HECW1: variants seen among roughly 807,000 people sequenced by gnomAD.
HECW1 encodes E3 ubiquitin-protein ligase HECW1.
A neutral mutation model predicts 182.3 loss-of-function variants in HECW1; 61 were observed. The observed-to-expected ratio is 0.33, with a 90% CI of 0.27 to 0.41. HECW1 has a LOEUF of 0.41. Ranked by LOEUF, HECW1 falls within the 10% of genes least tolerant of loss-of-function variation. HECW1 has a pLI of 1.00. For synonymous variants in HECW1, 859 were observed against 832.6 expected (o/e 1.03, Z -0.55); for missense variants, 1,739 against 2,108.9 (o/e 0.82, Z 3.44).
At chr7:43,365,943 A>T (rs1816590017) in intron 6 of HECW1, among the ~76,000 whole-genome samples, 1 of 152,178 alleles carries the variant, frequency 6.6e-6, no homozygotes, top group Non-Finnish European at 1.5e-5. Context: ...AAAAATAAAA[A>T]ATAAAATAAT....
At chr7:43,152,971 T>TA (rs1789500712) in intron 2 of HECW1, among the ~76,000 whole-genome samples, 1 of 152,132 alleles carries the variant, frequency 6.6e-6, no homozygotes. Flanking sequence ...GAGCTTCTTT[T>TA]AAAAAAATTC....
intron 2 of HECW1, among the ~76,000 whole-genome samples, chr7:43,187,055 CAAG>C (rs200636506): frequency 0.02 from 3,016 of 152,318 alleles, 85 homozygotes; most frequent in African/African-American, 0.069. Context: ...AGGTTGCAGT[CAAG>C]ACGTCAGTCA....
At chr7:43,367,867 G>A (rs1472017542) in intron 6 of HECW1, among the ~76,000 whole-genome samples, 1 of 152,096 alleles carries the variant, frequency 6.6e-6, no homozygotes, top group Admixed American at 6.6e-5. Context: ...TTTTCTCGCT[G>A]CTAATCTGGC....
intron 8 of HECW1, among the ~76,000 whole-genome samples, chr7:43,426,122 C>T (rs569626525): frequency 2.6e-5 from 4 of 152,060 alleles, no homozygotes; most frequent in South Asian, 2.1e-4. Flanking sequence ...CAATTATTGA[C>T]CAATCATGGG....
intron 2 of HECW1, among the ~76,000 whole-genome samples, chr7:43,120,408 A>G (rs769243981): frequency 1.5e-4 from 23 of 152,010 alleles, no homozygotes; most frequent in Non-Finnish European, 2.6e-4. Flanking sequence ...AATTTGTTAC[A>G]TAGTTTCTGC....
At chr7:43,452,664 A>C (rs2077272730) in intron 12 of HECW1, among the ~76,000 whole-genome samples, 1 of 152,264 alleles carries the variant, frequency 6.6e-6, no homozygotes, top group African/African-American at 2.4e-5. Context: ...AAGACAGATT[A>C]GCAAACAATA....
At chr7:43,196,519 C>T (rs1044278219) in intron 2 of HECW1, among the ~76,000 whole-genome samples, 2 of 152,140 alleles carry the variant, frequency 1.3e-5, no homozygotes, top group Admixed American at 1.3e-4. Context: ...GCGTTGGAGT[C>T]CAGGGTAGTT....
intron 24 of HECW1, among the ~76,000 whole-genome samples, chr7:43,520,103 C>T (rs566038422): frequency 1.3e-5 from 2 of 152,234 alleles, no homozygotes; most frequent in Admixed American, 1.3e-4. Context: ...AAACAAATGT[C>T]TTAGATATGC....
chr7:43,451,808 T>C (rs2077244952), intron 12 of HECW1, among the ~76,000 whole-genome samples: 1 of 152,210 alleles, frequency 6.6e-6, no homozygotes, highest in South Asian at 2.1e-4. Context: ...CAAGCAAAGA[T>C]AGTATTTAAG....
Position 43,114,172 on chromosome 7 carries a change from T to G in HECW1, c.-251T>G. 1 of 1,147,994 alleles carries G rather than the reference T, an allele frequency of 8.7e-7. No homozygotes were observed. Among genetic ancestry groups the G allele is most frequent in the Non-Finnish European group, 1.2e-6 (1 of 866,020 alleles). The allele number at this position is 1,147,994 out of a possible 1,614,324, so 71.1% of individuals were successfully genotyped here. On this transcript the variant is annotated 5_prime_UTR_variant, in exon 2 of 30. Coordinates refer to ENST00000395891, the MANE Select transcript of HECW1 (RefSeq NM_015052.5). ...CTTTGAAAAGATATCAATGCTATGT[T>G]CAGCAGAAACGGATACAGCAAGAGC... is the stretch of plus-strand genomic sequence containing the variant.
At chr7:43,554,951 G>A (rs1488358443) in intron 29 of HECW1, among the ~76,000 whole-genome samples, 161 bp downstream of exon 29, 2 of 152,190 alleles carry the variant, frequency 1.3e-5, no homozygotes, top group African/African-American at 2.4e-5. Flanking sequence ...AGGTGGCTGT[G>A]AGACTTGCAC....
intron 8 of HECW1, among the ~76,000 whole-genome samples, chr7:43,431,120 T>A (rs2076536078): frequency 6.6e-6 from 1 of 152,152 alleles, no homozygotes; most frequent in African/African-American, 2.4e-5. Flanking sequence ...TTTCTCCAGA[T>A]GATCAAGGTC....
chr7:43,535,436 A>G (rs910714700), intron 24 of HECW1, among the ~76,000 whole-genome samples: 5 of 152,172 alleles, frequency 3.3e-5, no homozygotes, highest in African/African-American at 1.2e-4. Flanking sequence ...GGTCAAGTTC[A>G]TCTCCCAGAC....
Position 43,327,605 on chromosome 7 carries a change from G to A in HECW1, c.460+6863G>A, listed in dbSNP as rs145775060. On this transcript the variant is annotated intron_variant, in intron 5 of 29. Transcript: ENST00000395891. ...ACCTCTGGTTATACCTCGTACTCATGTTGGTCTTCCCTTCGTTATTTCCTT... is the reference window on the plus strand; with the variant it reads ...ACCTCTGGTTATACCTCGTACTCATATTGGTCTTCCCTTCGTTATTTCCTT... Among the ~76,000 whole-genome samples, 5 of 152,186 alleles carry A rather than the reference G, an allele frequency of 3.3e-5. No homozygotes were observed. The East Asian group carries it at 7.7e-4, about 23-fold the overall frequency.
chr7:43,293,184 C>T (rs1489068198), intron 3 of HECW1, among the ~76,000 whole-genome samples: 3 of 143,714 alleles, frequency 2.1e-5, no homozygotes, highest in African/African-American at 7.9e-5. Flanking sequence ...TGTGCCACTG[C>T]GCTCCAGCCT....
chr7:43,447,442 A>G (rs376081189), intron 11 of HECW1, among the ~76,000 whole-genome samples: 2 of 152,350 alleles, frequency 1.3e-5, no homozygotes, highest in East Asian at 3.9e-4. Flanking sequence ...GGCAGTTTCT[A>G]AAGAAATATC....
chr7:43,218,884 C>CAAGAAAGAAG (rs1796686003), intron 2 of HECW1, among the ~76,000 whole-genome samples: 1 of 152,072 alleles, frequency 6.6e-6, no homozygotes, highest in South Asian at 2.1e-4. Context: ...GTTTAATAGA[C>CAAGAAAGAAG]AAGAAAGAAG....
chr7:43,261,499 C>G (rs1023629851), intron 3 of HECW1, among the ~76,000 whole-genome samples: 2 of 152,200 alleles, frequency 1.3e-5, no homozygotes, highest in Non-Finnish European at 2.9e-5. Context: ...GCAGTTTAAA[C>G]CCTTGGGGGT....
At position 43,504,937 on chromosome 7, in the gene HECW1, A is replaced by T. The variant is rs187073423; in HGVS notation, c.3632-2200A>T. Among the ~76,000 whole-genome samples the T allele has an allele frequency of 2.3e-4, 35 of 152,320 alleles. No homozygotes were observed. In the East Asian group the frequency reaches 4.8e-3, roughly 21 times the overall value. On this transcript the variant is annotated intron_variant, in intron 21 of 29. Transcript: ENST00000395891. ...AGGTCGCCATGAACTCTGGCCACCCAATCCAGCGGGCAGTTCTCAGCCTTC... is the reference window on the plus strand; with the variant it reads ...AGGTCGCCATGAACTCTGGCCACCCTATCCAGCGGGCAGTTCTCAGCCTTC...
Sources: allele counts gnomAD v4.1 joint callset (sites outside exome capture counted in the v4.1 genomes callset), GRCh38; gene constraint gnomAD v4.1.1; transcripts MANE v1.5; gene names NCBI Gene and HGNC (gene_info 2026-07-23, HGNC 2026-07-21).